The following KIRREL3 variants were observed in gnomAD, a reference collection of about 807,000 sequenced individuals.
KIRREL3 encodes kin of IRRE-like protein 3.
A neutral mutation model predicts 89.7 loss-of-function variants in KIRREL3; 36 were observed. That is an observed-to-expected ratio of 0.40 (90% CI 0.31 to 0.53). The LOEUF is 0.53. Among genes scored for constraint, KIRREL3 ranks in the 20% least tolerant of loss-of-function variants. The pLI is 0.49. For missense variants in KIRREL3, 864 were observed against 1,056.6 expected (o/e 0.82, Z 2.53); for synonymous variants, 445 against 441.4 (o/e 1.01, Z -0.10).
chr11:126,793,176 T>C (rs910722209), intron 1 of KIRREL3, among the ~76,000 whole-genome samples: 1 of 142,268 alleles, frequency 7.0e-6, no homozygotes, highest in African/African-American at 2.6e-5. Flanking sequence ...GATAATGACC[T>C]TTTTAGTGAG....
Position 126,764,822 on chromosome 11 carries a change from A to C in KIRREL3, c.56-201910T>G, listed in dbSNP as rs1035794490. Among the ~76,000 whole-genome samples, 2 of 152,166 alleles carry C rather than the reference A, an allele frequency of 1.3e-5. No homozygotes were observed. Among genetic ancestry groups the C allele is most frequent in the Non-Finnish European group, 2.9e-5 (2 of 68,030 alleles). ...TTCACAGTCCAACTTCAGAACTCAG[A>C]GGGGCAGCTCTCCTTTGGACTAGGC... On this transcript the variant is annotated intron_variant, in intron 1 of 16. Transcript: ENST00000525144. The surrounding 1 kb of genome is among the most constrained non-coding windows in gnomAD (Gnocchi z 4.2).
In KIRREL3 at chr11:126,676,532, G is replaced by A. The variant is rs1230772272; in HGVS notation, c.56-113620C>T. Among the ~76,000 whole-genome samples, 1 of 152,100 alleles carries A rather than the reference G, an allele frequency of 6.6e-6. No individual in the cohort carries two copies. Among genetic ancestry groups the A allele is most frequent in the African/African-American group, 2.4e-5 (1 of 41,408 alleles). On this transcript the variant is annotated intron_variant, in intron 1 of 16. Transcript: ENST00000525144. This position sits in a 1 kb window ranked among gnomAD's most constrained non-coding sequence, Gnocchi z 4.5. Reference sequence around the variant, plus strand: ...GTATTGTTTTGTTTTGTTTGAGTTGGGGGGAGATGCTGCGAGTCCTTTAAA... The same window carrying A: ...GTATTGTTTTGTTTTGTTTGAGTTGAGGGGAGATGCTGCGAGTCCTTTAAA...
chr11:126,864,119 G>A (rs1056962799), intron 1 of KIRREL3, among the ~76,000 whole-genome samples: 2 of 152,214 alleles, frequency 1.3e-5, no homozygotes, highest in African/African-American at 4.8e-5. Flanking sequence ...ATATTACAAA[G>A]TATAGAGCAG....
Position 126,710,990 on chromosome 11 carries a change from G to T in KIRREL3, c.56-148078C>A, listed in dbSNP as rs1947733071. On this transcript the variant is annotated intron_variant, in intron 1 of 16. Coordinates refer to ENST00000525144, the MANE Select transcript of KIRREL3 (RefSeq NM_032531.4). This position sits in a 1 kb window ranked among gnomAD's most constrained non-coding sequence, Gnocchi z 4.2. ...GACGGCCAAGGGCAGCTAGGTTTCA[G>T]GTGTCCCCTCCTTGGGGCAAGGAGA... is the stretch of plus-strand genomic sequence containing the variant. 6.6e-6 allele frequency among the ~76,000 whole-genome samples: 1 copy of T among 152,180 alleles called. No individual in the cohort carries two copies. The highest frequency in any genetic ancestry group is 1.5e-5 in the Non-Finnish European group (1 of 68,040).
Position 126,689,785 on chromosome 11 carries a change from G to A in KIRREL3, c.56-126873C>T, listed in dbSNP as rs1051323766. Among the ~76,000 whole-genome samples the A allele has an allele frequency of 2.6e-5, 4 of 152,208 alleles. No homozygotes were observed. The highest frequency in any genetic ancestry group is 1.9e-4 in the East Asian group (1 of 5,194). On this transcript the variant is annotated intron_variant, in intron 1 of 16. Transcript: ENST00000525144. This position sits in a 1 kb window ranked among gnomAD's most constrained non-coding sequence, Gnocchi z 5.2. The stretch of plus-strand genomic sequence containing the variant: ...CCTCCCAAGACTGACAGGTTAGCAC[G>A]GAAGGTATAATCTGCTAGTCAGATT...
At position 126,821,344 on chromosome 11, in the gene KIRREL3, T is replaced by TAC. The variant is rs1270439999; in HGVS notation, c.55+179110_55+179111insGT. ...GATAAACACAGTATATATATATATA[T>TAC]ATATATATGTAACTTCCAACCAACA... On this transcript the variant is annotated intron_variant, in intron 1 of 16. Transcript: ENST00000525144. 5.5e-5 allele frequency among the ~76,000 whole-genome samples: 6 copies of TAC among 109,960 alleles called. 2 individuals carry two copies. The highest frequency in any genetic ancestry group is 1.2e-4 in the Non-Finnish European group (6 of 51,564). The allele number at this position is 109,960 out of a possible 152,430, so 72.1% of individuals were successfully genotyped here. A position where few individuals can be genotyped will look rare whatever the true frequency, so the allele number is the denominator to read the frequency against.
chr11:126,761,155 G>A lies in KIRREL3; in HGVS notation c.56-198243C>T, dbSNP rs1239823280. Among the ~76,000 whole-genome samples the A allele has an allele frequency of 1.3e-5, 2 of 152,230 alleles. No individual in the cohort carries two copies. Among genetic ancestry groups the A allele is most frequent in the East Asian group, 1.9e-4 (1 of 5,206 alleles). ...GAATCTACTAGGGCTTGGAATACCTGTCTTGATCATTCTGAGAAGAATGGA... is the reference window on the plus strand; with the variant it reads ...GAATCTACTAGGGCTTGGAATACCTATCTTGATCATTCTGAGAAGAATGGA... On this transcript the variant is annotated intron_variant, in intron 1 of 16. Transcript: ENST00000525144. The surrounding 1 kb of genome is among the most constrained non-coding windows in gnomAD (Gnocchi z 4.4).
In KIRREL3 at chr11:126,909,027, TA is replaced by T. The variant is rs1946699881; in HGVS notation, c.55+91427del. 6.6e-6 allele frequency among the ~76,000 whole-genome samples: 1 copy of T among 152,234 alleles called. No homozygotes were observed. The highest frequency in any genetic ancestry group is 2.4e-5 in the African/African-American group (1 of 41,472). ...TAAAGTTGTTATGTTAAATTTGTGT[TA>T]TTTTTTATTGTTGATTTGTATTTTT... On this transcript the variant is annotated intron_variant, in intron 1 of 16. Transcript: ENST00000525144. This position sits in a 1 kb window ranked among gnomAD's most constrained non-coding sequence, Gnocchi z 4.5.
intron 1 of KIRREL3, among the ~76,000 whole-genome samples, chr11:126,881,091 T>C (rs1235535596): frequency 6.6e-6 from 1 of 152,234 alleles, no homozygotes; most frequent in Non-Finnish European, 1.5e-5. Context: ...GGCAGCTTGA[T>C]AACAGGAGTG....
chr11:126,583,107 G>T (rs1192458635), intron 1 of KIRREL3, among the ~76,000 whole-genome samples: 1 of 152,160 alleles, frequency 6.6e-6, no homozygotes, highest in East Asian at 1.9e-4. Flanking sequence ...GTGGACAGCT[G>T]GCTCCCCGGG....
In KIRREL3 at chr11:126,955,755, C is replaced by T. The variant is rs1161168415; in HGVS notation, c.55+44700G>A. ...ATGGGATCTAAAAACGAACATGATG[C>T]TCGTCCTCAGAAAGCTTAGCTCTAG... On this transcript the variant is annotated intron_variant, in intron 1 of 16. Transcript: ENST00000525144. The surrounding 1 kb of genome is among the most constrained non-coding windows in gnomAD (Gnocchi z 4.6). 6.6e-6 allele frequency among the ~76,000 whole-genome samples: 1 copy of T among 152,176 alleles called. No individual in the cohort carries two copies. Among genetic ancestry groups the T allele is most frequent in the African/African-American group, 2.4e-5 (1 of 41,432 alleles).
intron 7 of KIRREL3, among the ~76,000 whole-genome samples, chr11:126,456,038 CG>C (rs1449094381): frequency 3.7e-5 from 2 of 53,822 alleles, no homozygotes; most frequent in East Asian, 7.8e-4. Context: ...TTTTTGTTTT[CG>C]TTTTTTTTTT....
At position 126,923,220 on chromosome 11, in the gene KIRREL3, TTC is replaced by T. The variant is rs1348792123; in HGVS notation, c.55+77233_55+77234del. Among the ~76,000 whole-genome samples the T allele has an allele frequency of 1.1e-4, 3 of 27,512 alleles. 1 individual carries two copies. Among genetic ancestry groups the T allele is most frequent in the African/African-American group, 5.6e-4 (3 of 5,358 alleles). The allele number at this position is 27,512 out of a possible 152,430, so 18.0% of individuals were successfully genotyped here. ...CTTCTTCTTCTTCTTCTTCTTCTTC[TTC>T]TTCTTCTTCTTCTTCTTCTTCTTCT... is the stretch of plus-strand genomic sequence containing the variant. On this transcript the variant is annotated intron_variant, in intron 1 of 16. Transcript: ENST00000525144.
At chr11:126,869,043 T>C (rs944059430) in intron 1 of KIRREL3, among the ~76,000 whole-genome samples, 2 of 152,128 alleles carry the variant, frequency 1.3e-5, no homozygotes, top group African/African-American at 2.4e-5. Context: ...CTCATCACCT[T>C]GGAGACTAGG....
rs781048094 is a variant in KIRREL3 at position 126,444,977 on chromosome 11, A to G, written c.1252+2T>C. The G allele has an allele frequency of 1.2e-6, 2 of 1,613,658 alleles. No homozygotes were observed. Among genetic ancestry groups the G allele is most frequent in the Non-Finnish European group, 1.7e-6 (2 of 1,179,840 alleles). On this transcript the variant is annotated splice_donor_variant, in intron 10 of 16. Coordinates refer to ENST00000525144, the MANE Select transcript of KIRREL3 (RefSeq NM_032531.4). LOFTEE classifies it high-confidence loss of function. ...CCTGGCTCACCCCAGCGAGGGTCTT[A>G]CCATTGACGGTCAGGGTCACCTCTC...
chr11:126,969,448 AC>A lies in KIRREL3; in HGVS notation c.55+31006del, dbSNP rs1949369419. 6.6e-6 allele frequency among the ~76,000 whole-genome samples: 1 copy of A among 152,280 alleles called. No homozygotes were observed. The highest frequency in any genetic ancestry group is 2.4e-5 in the African/African-American group (1 of 41,564). Reference sequence around the variant, plus strand: ...GGAAAAAAGCCACTGAGGAGGTGACACCCAGCGGTATCTGGAAGAATGAACA... The same window carrying A: ...GGAAAAAAGCCACTGAGGAGGTGACACCAGCGGTATCTGGAAGAATGAACA... On this transcript the variant is annotated intron_variant, in intron 1 of 16. Transcript: ENST00000525144. The surrounding 1 kb of genome is among the most constrained non-coding windows in gnomAD (Gnocchi z 4.9).
intron 2 of KIRREL3, among the ~76,000 whole-genome samples, chr11:126,545,947 T>C (rs138083962): frequency 2.2e-3 from 331 of 152,376 alleles, no homozygotes; most frequent in African/African-American, 7.8e-3. Flanking sequence ...TGCTATTTCC[T>C]AGCTGTGTGG....
rs928159050 is a variant in KIRREL3, at chr11:126,544,731, T to C, written c.134-18044A>G. Among the ~76,000 whole-genome samples the C allele has an allele frequency of 2.0e-5, 3 of 152,188 alleles. No individual in the cohort carries two copies. The highest frequency in any genetic ancestry group is 1.3e-4 in the Admixed American group (2 of 15,286). On this transcript the variant is annotated intron_variant, in intron 2 of 16. Coordinates refer to ENST00000525144, the MANE Select transcript of KIRREL3 (RefSeq NM_032531.4). The surrounding 1 kb of genome is among the most constrained non-coding windows in gnomAD (Gnocchi z 5.6). ...GGAGAGTGCAGGGAGCTGTCCTTGG[T>C]TGGCAGCATCAAGATAATCGCCTAA...
At chr11:126,790,866 T>C (rs1216677496) in intron 1 of KIRREL3, among the ~76,000 whole-genome samples, 1 of 152,170 alleles carries the variant, frequency 6.6e-6, no homozygotes, top group Non-Finnish European at 1.5e-5. Flanking sequence ...CACTGTCTCC[T>C]GTTCCTGATC....
Sources: gnomAD v4.1 joint callset for allele counts (sites outside exome capture counted in the v4.1 genomes callset) on GRCh38, gnomAD v4.1.1 for gene constraint, Gnocchi (gnomAD v3.1) non-coding constraint, MANE v1.5 for transcripts, NCBI Gene and HGNC (gene_info 2026-07-23, HGNC 2026-07-21) for gene names.